CNNM2: variants seen among roughly 807,000 people sequenced by gnomAD.
CNNM2 encodes the protein metal transporter CNNM2.
CNNM2 carries 12 observed loss-of-function variants against 66.9 expected under a neutral mutation model. The ratio of observed to expected loss-of-function variants is 0.18; its 90% CI spans 0.11 to 0.29. The LOEUF is 0.29. Among genes scored for constraint, CNNM2 ranks in the 10% least tolerant of loss-of-function variants. The pLI is 1.00. For synonymous variants in CNNM2, 557 were observed against 501.8 expected, an observed-to-expected ratio of 1.11 and a Z score of -1.47; for missense variants, 705 against 1,167.7, an observed-to-expected ratio of 0.60 and a Z score of 5.77.
chr10:102,963,728 T>A (rs1431006441), intron 1 of CNNM2, among the ~76,000 whole-genome samples: 1 of 152,236 alleles, frequency 6.6e-6, no homozygotes, highest in Non-Finnish European at 1.5e-5. Flanking sequence ...TTTAATCGTG[T>A]ATTCAGCATC....
intron 1 of CNNM2, among the ~76,000 whole-genome samples, chr10:102,936,326 A>G (rs1297618119): frequency 6.6e-6 from 1 of 152,142 alleles, no homozygotes; most frequent in African/African-American, 2.4e-5. Context: ...TTTCAAGATT[A>G]TTTCCTTTAG....
chr10:103,020,807 T>C lies in CNNM2; in HGVS notation c.1622-28900T>C, dbSNP rs78193706. ...AAGGGGCGAAGGGCGCATGAGGGTGTAGGAACAGTGGATTGAAAACCAGGC... is the reference window on the plus strand; with the variant it reads ...AAGGGGCGAAGGGCGCATGAGGGTGCAGGAACAGTGGATTGAAAACCAGGC... On this transcript the variant is annotated intron_variant, in intron 1 of 7. Coordinates refer to ENST00000369878, the MANE Select transcript of CNNM2 (RefSeq NM_017649.5). 0.31 allele frequency among the ~76,000 whole-genome samples: 46,835 copies of C among 151,798 alleles called. 7,376 individuals carry two copies. The highest frequency in any genetic ancestry group is 0.37 in the Middle Eastern group (109 of 294).
In CNNM2 at chr10:102,920,011, C is replaced by G. The variant is rs1845560918; in HGVS notation, c.1531C>G (p.Leu511Val). The change falls in exon 1 of 8, where the codon CTG (leucine) becomes GTG (valine). Residue 511 changes from leucine (L) to valine (V), a missense_variant. Physicochemically the swap from Leu to Val is conservative, Grantham distance 32. Transcript: ENST00000369878. The part of the protein sequence containing the change: ...AFVDPDDCTP[L>V]KTITKFYNHP... ...CGTGGATCCCGATGACTGTACCCCC[C>G]TGAAAACCATCACCAAATTTTATAA... 1 of 1,614,252 alleles carries G rather than the reference C, an allele frequency of 6.2e-7. No homozygotes were observed. The highest frequency in any genetic ancestry group is 8.5e-7 in the Non-Finnish European group (1 of 1,180,054).
intron 1 of CNNM2, among the ~76,000 whole-genome samples, chr10:102,976,765 C>T (rs898989627): frequency 6.6e-6 from 1 of 151,612 alleles, no homozygotes; most frequent in Non-Finnish European, 1.5e-5. Flanking sequence ...ACTGCGCTTG[C>T]CCTGTCCACT....
intron 1 of CNNM2, among the ~76,000 whole-genome samples, chr10:103,045,984 T>C (rs2065121565): frequency 6.6e-6 from 1 of 152,192 alleles, no homozygotes; most frequent in African/African-American, 2.4e-5. Flanking sequence ...TTTAATAATA[T>C]AGTGGGGTTT....
At chr10:102,947,901 A>C (rs1846676819) in intron 1 of CNNM2, among the ~76,000 whole-genome samples, 1 of 152,052 alleles carries the variant, frequency 6.6e-6, no homozygotes, top group Non-Finnish European at 1.5e-5. Flanking sequence ...ATACAAAAAA[A>C]AATTAGCCGG....
intron 1 of CNNM2, among the ~76,000 whole-genome samples, chr10:102,943,889 T>C (rs1846515699): frequency 6.6e-6 from 1 of 152,184 alleles, no homozygotes; most frequent in African/African-American, 2.4e-5. Flanking sequence ...CGTCTAAAAC[T>C]CTGCTCAGCC....
intron 4 of CNNM2, among the ~76,000 whole-genome samples, chr10:103,066,413 A>C (rs2065477268): frequency 6.6e-6 from 1 of 151,862 alleles, no homozygotes; most frequent in South Asian, 2.1e-4. Flanking sequence ...CTGGTCCCTT[A>C]TCAATAGCTT....
At position 103,079,321 on chromosome 10, in the gene CNNM2, C is replaced by T. The variant is rs1341707254; in HGVS notation, c.*2141C>T. On this transcript the variant is annotated 3_prime_UTR_variant, in exon 8 of 8. Transcript: ENST00000369878. Reference sequence around the variant, plus strand: ...TTCGGGTCTGCGCAGTGCTGGCCTTCCCTGAGCTGTGGGGAGCCAAGCCTG... The same window carrying T: ...TTCGGGTCTGCGCAGTGCTGGCCTTTCCTGAGCTGTGGGGAGCCAAGCCTG... 1 of 152,324 alleles carries T rather than the reference C, an allele frequency of 6.6e-6. No individual in the cohort carries two copies. The highest frequency in any genetic ancestry group is 2.4e-5 in the African/African-American group (1 of 41,470). 9.4% of individuals were successfully genotyped at this position (152,324 alleles called of 1,614,324 possible).
intron 1 of CNNM2, among the ~76,000 whole-genome samples, chr10:102,970,736 C>T (rs767687026): frequency 6.6e-6 from 1 of 152,196 alleles, no homozygotes; most frequent in African/African-American, 2.4e-5. Context: ...AGTTCACCCC[C>T]CTTCTTCAGG....
At chr10:102,984,977 G>A (rs2063773963) in intron 1 of CNNM2, among the ~76,000 whole-genome samples, 1 of 151,932 alleles carries the variant, frequency 6.6e-6, no homozygotes, top group African/African-American at 2.4e-5. Context: ...AGTTTGTTAA[G>A]GACAGAAAAA....
intron 1 of CNNM2, among the ~76,000 whole-genome samples, chr10:102,944,130 C>G (rs1055057493): frequency 2.0e-5 from 3 of 147,704 alleles, no homozygotes; most frequent in Admixed American, 1.4e-4. Context: ...GTCGCCCAGG[C>G]AAGACTGGTG....
rs1233665707 is a variant in CNNM2 at position 103,087,513 on chromosome 10, GA to G, written c.*10334del. ...CTGGCTAGTAAGACACTCTTATATGGATGCAATACAAAAAGTGGTAAATTAA... is the reference window on the plus strand; with the variant it reads ...CTGGCTAGTAAGACACTCTTATATGGTGCAATACAAAAAGTGGTAAATTAA... On this transcript the variant is annotated 3_prime_UTR_variant, in exon 8 of 8. Transcript: ENST00000369878. 2.6e-5 allele frequency: 4 copies of G among 152,206 alleles called. No individual in the cohort carries two copies. The highest frequency in any genetic ancestry group is 2.6e-4 in the Admixed American group (4 of 15,280). 9.4% of individuals were successfully genotyped at this position (152,206 alleles called of 1,614,324 possible).
intron 1 of CNNM2, among the ~76,000 whole-genome samples, chr10:102,950,914 C>T (rs1288606577): frequency 1.3e-5 from 2 of 150,846 alleles, no homozygotes; most frequent in African/African-American, 4.9e-5. Context: ...GAGGTGTACT[C>T]ATATATATAT....
At chr10:102,969,816 T>C (rs898832214) in intron 1 of CNNM2, among the ~76,000 whole-genome samples, 2 of 152,016 alleles carry the variant, frequency 1.3e-5, no homozygotes, top group African/African-American at 4.8e-5. Context: ...GCTAATTTTG[T>C]ATTTTTAGTG....
intron 1 of CNNM2, among the ~76,000 whole-genome samples, chr10:103,032,602 A>G (rs1464674926): frequency 6.6e-6 from 1 of 151,794 alleles, no homozygotes; most frequent in Non-Finnish European, 1.5e-5. Flanking sequence ...ATGGGAACAT[A>G]CTATAATATT....
chr10:103,029,906 A>G (rs2064791210), intron 1 of CNNM2, among the ~76,000 whole-genome samples: 1 of 151,980 alleles, frequency 6.6e-6, no homozygotes, highest in Non-Finnish European at 1.5e-5. Context: ...TGAGATAGTT[A>G]TTAATACAGG....
intron 6 of CNNM2, among the ~76,000 whole-genome samples, chr10:103,074,695 A>G (rs914413243): frequency 2.0e-5 from 3 of 151,580 alleles, no homozygotes; most frequent in African/African-American, 7.3e-5. Flanking sequence ...TTAGCTGGGC[A>G]TGGTGGCACA....
chr10:102,951,746 C>T (rs541602546), intron 1 of CNNM2, among the ~76,000 whole-genome samples: 1 of 151,084 alleles, frequency 6.6e-6, no homozygotes, highest in South Asian at 2.1e-4. Flanking sequence ...TCTAGCAGTC[C>T]TCCCACCTCA....
Sources: allele counts gnomAD v4.1 joint callset (sites outside exome capture counted in the v4.1 genomes callset), GRCh38; gene constraint gnomAD v4.1.1; transcripts MANE v1.5; gene names NCBI Gene and HGNC (gene_info 2026-07-23, HGNC 2026-07-21).